TUSC3: variants seen among roughly 807,000 people sequenced by gnomAD.
The protein encoded by TUSC3 is tumor suppressor candidate 3.
Under a neutral mutation model 44.8 loss-of-function variants are expected in TUSC3, and 45 were observed. The ratio of observed to expected loss-of-function variants is 1.00; its 90% CI spans 0.79 to 1.29. TUSC3 has a LOEUF of 1.29. Among genes scored for constraint, TUSC3 ranks in the 50% most tolerant of loss-of-function variants. The pLI, the probability that TUSC3 is intolerant of heterozygous loss-of-function variation, is 0.00. For synonymous variants in TUSC3, 212 were observed against 152.9 expected, an observed-to-expected ratio of 1.39 and a Z score of -2.85; for missense variants, 519 against 437.9, an observed-to-expected ratio of 1.19 and a Z score of -1.65.
chr8:15,843,621 T>TATATATATATATAC, the TUSC3 span, among the ~76,000 whole-genome samples: 9 of 146,764 alleles, frequency 6.1e-5, no homozygotes, highest in African/African-American at 1.8e-4. Context: ...TATATATATA[T>TATATATATATATAC]ACACGCACAT....
At chr8:15,542,149 T>A (rs1177899663) in intron 1 of TUSC3, among the ~76,000 whole-genome samples, 2 of 151,982 alleles carry the variant, frequency 1.3e-5, no homozygotes, top group African/African-American at 4.8e-5. Flanking sequence ...AAGGTCTACA[T>A]TGGTTTGATC....
chr8:15,525,886 A>G (rs193150406), intron 2 of TUSC3, among the ~76,000 whole-genome samples: 28 of 152,348 alleles, frequency 1.8e-4, no homozygotes, highest in African/African-American at 6.5e-4. Flanking sequence ...CAAAGTACGT[A>G]GGAAAAGAAA....
chr8:15,673,190 G>T (rs1168615124), intron 5 of TUSC3, among the ~76,000 whole-genome samples: 2 of 151,934 alleles, frequency 1.3e-5, no homozygotes, highest in Non-Finnish European at 2.9e-5. Context: ...TATAATCTTT[G>T]CGAGTTATTC....
chr8:15,578,798 T>A (rs1229607445), intron 1 of TUSC3, among the ~76,000 whole-genome samples: 3 of 152,206 alleles, frequency 2.0e-5, no homozygotes, highest in Admixed American at 6.5e-5. Context: ...TGTCTCTGCC[T>A]GGCTTTGGTA....
rs973011276 is a variant in TUSC3 at position 15,418,099 on chromosome 8, A to G, written n.91+794A>G. ...AGGAGAAAACTACTATTTTATGTCA[A>G]GGAAACCAAGAATTAGTAACAAGCA... On this transcript the variant is annotated intron_variant and non_coding_transcript_variant, in intron 1 of 5. Transcript: ENST00000503191. 2.6e-5 allele frequency among the ~76,000 whole-genome samples: 4 copies of G among 152,238 alleles called. 1 individual carries two copies. In the East Asian group the frequency reaches 7.7e-4, roughly 29 times the overall value.
chr8:15,820,962 C>T, the TUSC3 span, among the ~76,000 whole-genome samples: 1 of 151,978 alleles, frequency 6.6e-6, no homozygotes, highest in African/African-American at 2.4e-5. Context: ...TAGGTGTGCC[C>T]AGCTATTTGC....
intron 1 of TUSC3, among the ~76,000 whole-genome samples, chr8:15,467,425 T>C (rs769694263): frequency 2.0e-5 from 3 of 152,152 alleles, no homozygotes; most frequent in Non-Finnish European, 4.4e-5. Flanking sequence ...CAGAATCAAT[T>C]GCAGTAAATT....
chr8:15,445,777 C>G (rs941538679), intron 1 of TUSC3, among the ~76,000 whole-genome samples: 1 of 152,236 alleles, frequency 6.6e-6, no homozygotes, highest in South Asian at 2.1e-4. Flanking sequence ...TCCCCCTTTT[C>G]TATTCGACAA....
intron 4 of TUSC3, among the ~76,000 whole-genome samples, chr8:15,659,908 G>A (rs534398400): frequency 2.0e-5 from 3 of 152,088 alleles, no homozygotes; most frequent in Admixed American, 6.6e-5. Flanking sequence ...GCTAAAAAAC[G>A]TTTAAAACGT....
At chr8:15,535,893 A>C (rs114485344), upstream of TUSC3, among the ~76,000 whole-genome samples, 67 of 152,322 alleles carry the variant, frequency 4.4e-4, no homozygotes, top group African/African-American at 1.6e-3. Flanking sequence ...ATCATGGTCA[A>C]ACTTGTCCAA....
In TUSC3 at chr8:15,485,464, C is replaced by CTTTTTTTTTTTTTTTTTTTTTTTTTTTTT. The variant is rs11372919; in HGVS notation, n.189+1992_189+1993insTTTTTTTTTTTTTTTTTTTTTTTTTTTTT. On this transcript the variant is annotated intron_variant and non_coding_transcript_variant, in intron 2 of 5. Transcript: ENST00000503191. ...AAGCAATGTCATTATACTCTGTTGT[C>CTTTTTTTTTTTTTTTTTTTTTTTTTTTTT]TTTTTTTTTTTGTTTTTTGTGACAC... Among the ~76,000 whole-genome samples, 2 of 135,236 alleles carry CTTTTTTTTTTTTTTTTTTTTTTTTTTTTT rather than the reference C, an allele frequency of 1.5e-5. 1 individual carries two copies. The highest frequency in any genetic ancestry group is 5.6e-5 in the African/African-American group (2 of 35,956). The allele number at this position is 135,236 out of a possible 152,430, so 88.7% of individuals were successfully genotyped here.
rs548884532 is a variant in TUSC3 at position 15,747,244 on chromosome 8, A to G, written c.938-1131A>G. On this transcript the variant is annotated intron_variant, in intron 8 of 10. Coordinates refer to ENST00000503731, the MANE Select transcript of TUSC3 (RefSeq NM_006765.4). The stretch of plus-strand genomic sequence containing the variant: ...TAAAAATCATAGTTCCTTATTATAG[A>G]ATCATATAGATCTGTTTGATTTTCC... Among the ~76,000 whole-genome samples, 300 of 152,152 alleles carry G rather than the reference A, an allele frequency of 2.0e-3. 2 individuals carry two copies. Among genetic ancestry groups the G allele is most frequent in the Admixed American group, 5.6e-3 (85 of 15,248 alleles).
At chr8:15,621,522 A>T (rs1563138310) in intron 1 of TUSC3, among the ~76,000 whole-genome samples, 1 of 85,652 alleles carries the variant, frequency 1.2e-5, no homozygotes, top group African/African-American at 3.5e-5. Context: ...TATGTAAAAT[A>T]TATATATATA....
chr8:15,546,826 G>A (rs1801884533), intron 1 of TUSC3, among the ~76,000 whole-genome samples: 1 of 151,650 alleles, frequency 6.6e-6, no homozygotes, highest in African/African-American at 2.4e-5. Flanking sequence ...ATGAGCCACT[G>A]CACCTGGCCT....
chr8:15,638,220 C>T (rs764432132), intron 2 of TUSC3, among the ~76,000 whole-genome samples: 35 of 150,036 alleles, frequency 2.3e-4, no homozygotes, highest in Non-Finnish European at 3.1e-4. Context: ...TTTCCCTGTA[C>T]AGTCTCCACC....
the TUSC3 span, among the ~76,000 whole-genome samples, chr8:15,816,158 G>C: frequency 1.6e-4 from 24 of 152,270 alleles, no homozygotes; most frequent in African/African-American, 5.5e-4. Context: ...GGGAGGTTTA[G>C]GAGCTTCTAT....
At chr8:15,457,939 A>G (rs1800283025) in intron 1 of TUSC3, among the ~76,000 whole-genome samples, 1 of 151,008 alleles carries the variant, frequency 6.6e-6, no homozygotes, top group African/African-American at 2.4e-5. Context: ...CCAATGATGA[A>G]TGAATCTTAA....
At chr8:15,712,671 C>T (rs548763884) in intron 6 of TUSC3, among the ~76,000 whole-genome samples, 1 of 152,138 alleles carries the variant, frequency 6.6e-6, no homozygotes, top group South Asian at 2.1e-4. Context: ...AGCTTTACTG[C>T]CTACTTTGCT....
At chr8:15,699,939 A>C (rs1254086431) in intron 6 of TUSC3, among the ~76,000 whole-genome samples, 1 of 152,180 alleles carries the variant, frequency 6.6e-6, no homozygotes, top group Non-Finnish European at 1.5e-5. Flanking sequence ...CATTTTTTAT[A>C]AACGGGACTT....
Sources: gnomAD v4.1 joint callset for allele counts (sites outside exome capture counted in the v4.1 genomes callset) on GRCh38, gnomAD v4.1.1 for gene constraint, MANE v1.5 for transcripts, NCBI Gene and HGNC (gene_info 2026-07-23, HGNC 2026-07-21) for gene names.